The following C1orf21 variants were observed in gnomAD, a reference collection of about 807,000 sequenced individuals.
C1orf21 encodes the protein uncharacterized protein C1orf21.
Under a neutral mutation model 18.7 loss-of-function variants are expected in C1orf21, and 3 were observed. The ratio of observed to expected loss-of-function variants is 0.16; its 90% CI spans 0.07 to 0.42. C1orf21 has a LOEUF of 0.42. Among genes scored for constraint, C1orf21 ranks in the 10% least tolerant of loss-of-function variants. The pLI is 0.99. For missense variants in C1orf21, 104 were observed against 143.6 expected, an observed-to-expected ratio of 0.72 and a Z score of 1.41; for synonymous variants, 41 against 46.4, an observed-to-expected ratio of 0.88 and a Z score of 0.47.
intron 1 of C1orf21, among the ~76,000 whole-genome samples, chr1:184,403,546 G>A (rs769765297): frequency 2.0e-5 from 3 of 152,110 alleles, no homozygotes; most frequent in Non-Finnish European, 2.9e-5. Flanking sequence ...GTGATGTTCT[G>A]TAGGTATGTA....
chr1:184,424,525 C>G (rs142884527), intron 1 of C1orf21, among the ~76,000 whole-genome samples: 5 of 152,232 alleles, frequency 3.3e-5, no homozygotes, highest in Non-Finnish European at 5.9e-5. Context: ...AATTGTGGAA[C>G]CAGAAATGAA....
At chr1:184,410,985 C>T (rs1052028086) in intron 1 of C1orf21, among the ~76,000 whole-genome samples, 11 of 151,802 alleles carry the variant, frequency 7.2e-5, no homozygotes, top group Non-Finnish European at 1.5e-4. Flanking sequence ...ATCTCTGCAT[C>T]AACTAGAGTT....
At chr1:184,592,252 A>G (rs1231938636) in intron 4 of C1orf21, 2 of 152,234 alleles carry the variant, frequency 1.3e-5, no homozygotes, top group South Asian at 2.1e-4. Flanking sequence ...AGTTAAAAAG[A>G]AAAGAAAAAA....
chr1:184,421,152 G>A lies in C1orf21; in HGVS notation c.-125+33784G>A, dbSNP rs150426235. 8.8e-4 allele frequency among the ~76,000 whole-genome samples: 134 copies of A among 152,130 alleles called. 1 individual carries two copies. Among genetic ancestry groups the A allele is most frequent in the African/African-American group, 3.0e-3 (123 of 41,490 alleles). ...TTCTTTTGTTTTGTTTTAGAGACAGGGTCTTACTCTGTCACCCAGGCTGGA... is the reference window on the plus strand; with the variant it reads ...TTCTTTTGTTTTGTTTTAGAGACAGAGTCTTACTCTGTCACCCAGGCTGGA... On this transcript the variant is annotated intron_variant, in intron 1 of 5. Transcript: ENST00000235307.
intron 1 of C1orf21, among the ~76,000 whole-genome samples, chr1:184,472,018 C>A (rs1657503583): frequency 6.6e-6 from 1 of 152,092 alleles, no homozygotes; most frequent in Non-Finnish European, 1.5e-5. Flanking sequence ...ACCAAAGCTT[C>A]AAGATTAGAA....
chr1:184,627,789 T>TA lies in C1orf21; in HGVS notation c.*8233_*8234insA, dbSNP rs1006596683. 2.0e-5 allele frequency: 3 copies of TA among 152,202 alleles called. No homozygotes were observed. The highest frequency in any genetic ancestry group is 2.9e-5 in the Non-Finnish European group (2 of 68,036). 9.4% of individuals were successfully genotyped at this position (152,202 alleles called of 1,614,324 possible). A position where few individuals can be genotyped will look rare whatever the true frequency, so the allele number is the denominator to read the frequency against. ...TCACCCATTTAAAAACTAGAGCCCCTGGCAGGTCCCCTTAGGGCCATGTGT... is the reference window on the plus strand; with the variant it reads ...TCACCCATTTAAAAACTAGAGCCCCTAGGCAGGTCCCCTTAGGGCCATGTGT... On this transcript the variant is annotated 3_prime_UTR_variant, in exon 6 of 6. Coordinates refer to ENST00000235307, the MANE Select transcript of C1orf21 (RefSeq NM_030806.4).
chr1:184,518,726 C>T (rs1339121073), intron 3 of C1orf21, among the ~76,000 whole-genome samples: 1 of 152,032 alleles, frequency 6.6e-6, no homozygotes, highest in Non-Finnish European at 1.5e-5. Context: ...TTTCAGTGTA[C>T]TCTCACTGCC....
chr1:184,402,483 G>T (rs1336966074), intron 1 of C1orf21, among the ~76,000 whole-genome samples: 1 of 151,920 alleles, frequency 6.6e-6, no homozygotes, highest in African/African-American at 2.4e-5. Context: ...ACTTAGCTGG[G>T]CATAGTGTTG....
Position 184,512,832 on chromosome 1 carries a change from A to G in C1orf21, c.189+5150A>G, listed in dbSNP as rs538160529. Reference sequence around the variant, plus strand: ...AGTACCAGTCGGTGGCCTGTTAGAAACCAGGCCACACGGCAGGAGGTGAGC... The same window carrying G: ...AGTACCAGTCGGTGGCCTGTTAGAAGCCAGGCCACACGGCAGGAGGTGAGC... On this transcript the variant is annotated intron_variant, in intron 3 of 5. Coordinates refer to ENST00000235307, the MANE Select transcript of C1orf21 (RefSeq NM_030806.4). 3.9e-5 allele frequency among the ~76,000 whole-genome samples: 6 copies of G among 152,152 alleles called. No homozygotes were observed. The South Asian group carries it at 1.3e-3, about 32-fold the overall frequency.
At chr1:184,540,804 A>T (rs1461898557) in intron 3 of C1orf21, among the ~76,000 whole-genome samples, 1 of 151,614 alleles carries the variant, frequency 6.6e-6, no homozygotes, top group African/African-American at 2.4e-5. Flanking sequence ...ATGCCATGCA[A>T]TTTGGTGACT....
chr1:184,432,807 C>T (rs371363430), intron 1 of C1orf21, among the ~76,000 whole-genome samples: 311 of 152,264 alleles, frequency 2.0e-3, no homozygotes, highest in African/African-American at 7.1e-3. Flanking sequence ...GAGAGGCTTG[C>T]AAAATCCTTA....
chr1:184,393,171 TTGTCTGAATG>T (rs1375908572), intron 1 of C1orf21, among the ~76,000 whole-genome samples: 2 of 152,176 alleles, frequency 1.3e-5, no homozygotes, highest in African/African-American at 2.4e-5. Context: ...CAAGACTTTA[TTGTCTGAATG>T]TGTCTGAATG....
chr1:184,463,979 G>C (rs989207430), intron 1 of C1orf21, among the ~76,000 whole-genome samples: 2 of 152,142 alleles, frequency 1.3e-5, no homozygotes, highest in African/African-American at 4.8e-5. Context: ...GATTAATGGG[G>C]AGGGCTTTCT....
intron 3 of C1orf21, among the ~76,000 whole-genome samples, chr1:184,539,659 G>GA (rs994069570): frequency 2.6e-5 from 4 of 152,150 alleles, no homozygotes; most frequent in Admixed American, 2.0e-4. Context: ...AAATTAAAGT[G>GA]AAAAAATCCT....
rs372141086 is a variant in C1orf21, at chr1:184,449,173, G to A, written c.-124-28213G>A. ...CATTAACTCGTCATTTACATTAGGT[G>A]TATCTCCTAATGCTATCCCTCCCCC... On this transcript the variant is annotated intron_variant, in intron 1 of 5. Transcript: ENST00000235307. 4.3e-3 allele frequency among the ~76,000 whole-genome samples: 647 copies of A among 152,004 alleles called. 3 individuals are homozygous for A. Among genetic ancestry groups the A allele is most frequent in the East Asian group, 8.7e-3 (45 of 5,158 alleles).
intron 2 of C1orf21, among the ~76,000 whole-genome samples, chr1:184,505,320 T>C (rs951903338): frequency 1.1e-4 from 14 of 130,268 alleles, no homozygotes; most frequent in African/African-American, 3.5e-4. Flanking sequence ...TATATATATA[T>C]ATATATATAT....
intron 3 of C1orf21, among the ~76,000 whole-genome samples, chr1:184,548,460 G>A (rs1658763718): frequency 6.9e-6 from 1 of 145,566 alleles, no homozygotes; most frequent in East Asian, 2.0e-4. Flanking sequence ...TGTCGCCCAG[G>A]CTGGAGTGCA....
intron 1 of C1orf21, among the ~76,000 whole-genome samples, chr1:184,457,927 G>C (rs968987825): frequency 1.3e-5 from 2 of 152,094 alleles, no homozygotes; most frequent in South Asian, 2.1e-4. Context: ...TTCCTACTAC[G>C]TGCTTGGCAT....
intron 1 of C1orf21, among the ~76,000 whole-genome samples, chr1:184,463,762 C>T (rs1657344534): frequency 1.3e-5 from 2 of 152,196 alleles, no homozygotes; most frequent in Non-Finnish European, 2.9e-5. Context: ...AGAGGACTCC[C>T]TGTGGGCCAG....
Sources: allele counts gnomAD v4.1 joint callset (sites outside exome capture counted in the v4.1 genomes callset), GRCh38; gene constraint gnomAD v4.1.1; transcripts MANE v1.5; gene names NCBI Gene and HGNC (gene_info 2026-07-23, HGNC 2026-07-21).